PRELID2: variants seen among roughly 807,000 people sequenced by gnomAD.
PRELID2 encodes PRELI domain containing 2.
PRELID2 carries 25 observed loss-of-function variants against 28.4 expected under a neutral mutation model. That is an observed-to-expected ratio of 0.88 (90% confidence interval 0.64 to 1.23). PRELID2 has a LOEUF of 1.23. PRELID2 is among the 50% of genes most tolerant of loss of function. The pLI is 0.00. For missense variants in PRELID2, 201 were observed against 214.4 expected (o/e 0.94, Z 0.39); for synonymous variants, 76 against 71.6 (o/e 1.06, Z -0.31).
chr5:145,254,184 T>C, the PRELID2 span, among the ~76,000 whole-genome samples: 447 of 152,320 alleles, frequency 2.9e-3, 2 homozygotes, highest in African/African-American at 0.01. Flanking sequence ...GGATTGACTA[T>C]ATTTATTCAT....
chr5:145,675,581 C>G (rs981556407), intron 1 of PRELID2, among the ~76,000 whole-genome samples: 4 of 152,136 alleles, frequency 2.6e-5, no homozygotes, highest in African/African-American at 9.7e-5. Flanking sequence ...TTTTACAGCA[C>G]AATTTATTAC....
the PRELID2 span, chr5:145,450,854 A>G: frequency 1.3e-5 from 2 of 152,158 alleles, no homozygotes; most frequent in African/African-American, 4.8e-5. Flanking sequence ...GCATAGAAAA[A>G]TTGCAAAAGT....
At chr5:145,479,139 A>T (rs879557689) in intron 1 of PRELID2, among the ~76,000 whole-genome samples, 10 of 152,148 alleles carry the variant, frequency 6.6e-5, no homozygotes, top group Admixed American at 2.6e-4. Context: ...GAAGCCCTCC[A>T]ATCAGACCCT....
the PRELID2 span, among the ~76,000 whole-genome samples, chr5:145,392,727 A>G: frequency 6.6e-6 from 1 of 151,990 alleles, no homozygotes; most frequent in Non-Finnish European, 1.5e-5. Flanking sequence ...GGAAAGAAGG[A>G]AGAAAGGAAG....
chr5:145,721,713 C>T (rs1031034935), intron 1 of PRELID2, among the ~76,000 whole-genome samples: 1 of 152,154 alleles, frequency 6.6e-6, no homozygotes, highest in Admixed American at 6.5e-5. Flanking sequence ...ATAAGACCCA[C>T]ACCTAAAAAC....
At chr5:145,254,926 A>G in the PRELID2 span, among the ~76,000 whole-genome samples, 1 of 151,838 alleles carries the variant, frequency 6.6e-6, no homozygotes, top group African/African-American at 2.4e-5. Context: ...TAAAAAAAAA[A>G]AAAAATGACT....
At chr5:145,734,772 G>A (rs1212345673) in intron 1 of PRELID2, among the ~76,000 whole-genome samples, 1 of 152,090 alleles carries the variant, frequency 6.6e-6, no homozygotes, top group African/African-American at 2.4e-5. Flanking sequence ...ATTTTACCAT[G>A]AGGAAACTTA....
chr5:145,526,238 A>T (rs868066813), intron 1 of PRELID2, among the ~76,000 whole-genome samples: 3 of 152,236 alleles, frequency 2.0e-5, no homozygotes, highest in South Asian at 2.1e-4. Flanking sequence ...ATCCAAGGTC[A>T]CACGTGTGCT....
intron 1 of PRELID2, among the ~76,000 whole-genome samples, chr5:145,713,673 A>G (rs527890458): frequency 1.9e-4 from 18 of 96,960 alleles, no homozygotes; most frequent in African/African-American, 7.3e-4. Flanking sequence ...TAGTGTGTGT[A>G]TATATATATA....
chr5:145,697,033 T>TTATATATATATA (rs36117637), intron 1 of PRELID2, among the ~76,000 whole-genome samples: 5 of 50,618 alleles, frequency 9.9e-5, no homozygotes, highest in Non-Finnish European at 1.7e-4. Context: ...GAGAGGAAAA[T>TTATATATATATA]TATATATATA....
intron 1 of PRELID2, among the ~76,000 whole-genome samples, chr5:145,559,194 G>A (rs937948419): frequency 1.3e-5 from 2 of 151,902 alleles, no homozygotes; most frequent in Non-Finnish European, 2.9e-5. Flanking sequence ...GGCGGAGCTG[G>A]CAGTGAGCCG....
At chr5:145,242,922 C>T in the PRELID2 span, among the ~76,000 whole-genome samples, 59 of 152,114 alleles carry the variant, frequency 3.9e-4, no homozygotes, top group East Asian at 7.0e-3. Context: ...AGCTATATAA[C>T]AAATATTTAT....
At chr5:145,584,695 C>T (rs1299591702) in intron 1 of PRELID2, among the ~76,000 whole-genome samples, 4 of 152,136 alleles carry the variant, frequency 2.6e-5, no homozygotes, top group African/African-American at 9.7e-5. Flanking sequence ...CTCAACATCA[C>T]TGATCATTAG....
At chr5:145,724,770 G>T (rs1387015671) in intron 1 of PRELID2, among the ~76,000 whole-genome samples, 3 of 146,440 alleles carry the variant, frequency 2.0e-5, no homozygotes, top group East Asian at 4.0e-4. Flanking sequence ...ATGTAACAGG[G>T]TCTTGTTTTG....
chr5:145,779,885 C>G (rs1476264825), intron 5 of PRELID2, among the ~76,000 whole-genome samples: 1 of 152,124 alleles, frequency 6.6e-6, no homozygotes, highest in African/African-American at 2.4e-5. Flanking sequence ...TTTATAATGT[C>G]ATAATGGGAA....
the PRELID2 span, among the ~76,000 whole-genome samples, chr5:145,424,316 C>T: frequency 7.2e-5 from 11 of 152,326 alleles, 1 homozygote; most frequent in South Asian, 2.1e-4. Context: ...TGGGCAATGG[C>T]GGGCGCCCCT....
At chr5:145,393,925 A>G in the PRELID2 span, among the ~76,000 whole-genome samples, 10 of 152,168 alleles carry the variant, frequency 6.6e-5, no homozygotes, top group Non-Finnish European at 1.0e-4. Context: ...AAACCACCAG[A>G]TTTAATAATA....
chr5:145,247,245 G>T, the PRELID2 span, among the ~76,000 whole-genome samples: 1 of 152,040 alleles, frequency 6.6e-6, no homozygotes, highest in Admixed American at 6.6e-5. Context: ...CTCAATTCCC[G>T]AGCCCCTACT....
intron 1 of PRELID2, among the ~76,000 whole-genome samples, chr5:145,708,591 T>C (rs1054351327): frequency 2.0e-5 from 3 of 152,190 alleles, no homozygotes; most frequent in African/African-American, 7.2e-5. Flanking sequence ...GACATATAAA[T>C]TAAACAGAAA....
Sources: gnomAD v4.1 joint callset for allele counts (sites outside exome capture counted in the v4.1 genomes callset) on GRCh38, gnomAD v4.1.1 for gene constraint, MANE v1.5 for transcripts, NCBI Gene and HGNC (gene_info 2026-07-23, HGNC 2026-07-21) for gene names.